ANO1: variants seen among roughly 807,000 people sequenced by gnomAD.
The protein encoded by ANO1 is anoctamin-1.
ANO1 carries 59 observed loss-of-function variants against 124.0 expected under a neutral mutation model. The ratio of observed to expected loss-of-function variants is 0.48; its 90% confidence interval spans 0.39 to 0.59. ANO1 has a LOEUF of 0.59. Among genes scored for constraint, ANO1 ranks in the 20% least tolerant of loss-of-function variants. ANO1 has a pLI of 0.00. For synonymous variants in ANO1, 529 were observed against 532.0 expected, an observed-to-expected ratio of 0.99 and a Z score of 0.08; for missense variants, 1,059 against 1,328.0, an observed-to-expected ratio of 0.80 and a Z score of 3.15.
At chr11:70,152,509 T>G in intron 13 of ANO1, 48 bp downstream of exon 13, 1 of 1,594,758 alleles carries the variant, frequency 6.3e-7, no homozygotes, top group Admixed American at 1.7e-5. Context: ...CCTATCTCCC[T>G]GGGAGAGGGA....
intron 1 of ANO1, among the ~76,000 whole-genome samples, chr11:70,050,989 T>A (rs1555006220): frequency 2.6e-5 from 4 of 152,356 alleles, no homozygotes; most frequent in Non-Finnish European, 2.9e-5. Context: ...GAAACTACCA[T>A]TGCCATATGC....
intron 1 of ANO1, among the ~76,000 whole-genome samples, chr11:70,034,162 TAA>T (rs1857055122): frequency 6.6e-6 from 1 of 151,992 alleles, no homozygotes; most frequent in Non-Finnish European, 1.5e-5. Flanking sequence ...CCATAAAGCC[TAA>T]AAATCTTACC....
intron 16 of ANO1, among the ~76,000 whole-genome samples, chr11:70,157,949 C>G (rs1460784363): frequency 7.7e-6 from 1 of 129,996 alleles, no homozygotes; most frequent in East Asian, 2.2e-4. Flanking sequence ...CACTGCACTC[C>G]AGTATGGGTG....
chr11:70,000,648 AC>A (rs1856365863), intron 1 of ANO1, among the ~76,000 whole-genome samples: 1 of 151,176 alleles, frequency 6.6e-6, no homozygotes, highest in South Asian at 2.1e-4. Flanking sequence ...CAGCAAAGCC[AC>A]CCCTGAGCAG....
At chr11:70,148,302 C>T (rs1176679165) in intron 11 of ANO1, among the ~76,000 whole-genome samples, 2 of 149,894 alleles carry the variant, frequency 1.3e-5, no homozygotes, top group African/African-American at 2.5e-5. Context: ...ATGGGAATAG[C>T]GCCTACCTCC....
intron 8 of ANO1, among the ~76,000 whole-genome samples, chr11:70,118,464 G>A (rs1046635495): frequency 6.6e-6 from 1 of 152,180 alleles, no homozygotes; most frequent in Non-Finnish European, 1.5e-5. Flanking sequence ...GCCCATGGGG[G>A]TAGTCAAGGA....
At chr11:70,138,664 AG>A (rs1211496009) in intron 11 of ANO1, among the ~76,000 whole-genome samples, 1 of 152,216 alleles carries the variant, frequency 6.6e-6, no homozygotes, top group African/African-American at 2.4e-5. Context: ...TGAACAAACT[AG>A]GGCAACCTTC....
intron 1 of ANO1, among the ~76,000 whole-genome samples, chr11:70,070,712 T>C (rs1444644747): frequency 6.6e-6 from 1 of 152,064 alleles, no homozygotes; most frequent in African/African-American, 2.4e-5. Flanking sequence ...AGTGGGTAAG[T>C]AAGTGGGGAA....
intron 11 of ANO1, among the ~76,000 whole-genome samples, chr11:70,146,693 A>G (rs2135600274): frequency 6.6e-6 from 1 of 152,312 alleles, no homozygotes; most frequent in South Asian, 2.1e-4. Context: ...CAAAACCCCA[A>G]AAGTAGGAAA....
chr11:70,186,356 A>AAGGG (rs2049123208), intron 25 of ANO1, among the ~76,000 whole-genome samples: 1 of 63,664 alleles, frequency 1.6e-5, no homozygotes, highest in African/African-American at 4.8e-5. Flanking sequence ...GGGAGGGAGG[A>AAGGG]AGGAAGGAAG....
intron 19 of ANO1, among the ~76,000 whole-genome samples, chr11:70,163,799 G>A (rs2048147743): frequency 6.6e-6 from 1 of 152,090 alleles, no homozygotes; most frequent in South Asian, 2.1e-4. Flanking sequence ...TTAGCCGGGT[G>A]TGGTGGTGCA....
At chr11:70,093,682 C>T (rs1357475057) in intron 2 of ANO1, among the ~76,000 whole-genome samples, 1 of 152,236 alleles carries the variant, frequency 6.6e-6, no homozygotes, top group African/African-American at 2.4e-5. Context: ...CCCACTGGCT[C>T]GCCGCTGGTT....
At chr11:70,059,443 T>A (rs1857520975) in intron 1 of ANO1, among the ~76,000 whole-genome samples, 1 of 151,056 alleles carries the variant, frequency 6.6e-6, no homozygotes, top group Non-Finnish European at 1.5e-5. Flanking sequence ...AGGGAAGGGA[T>A]GACTGCAGTA....
At chr11:70,056,522 T>C (rs982327630) in intron 1 of ANO1, 18 of 152,074 alleles carry the variant, frequency 1.2e-4, no homozygotes, top group Non-Finnish European at 1.8e-4. Context: ...CTTTTCAACA[T>C]TGTGCTAGAT....
intron 1 of ANO1, among the ~76,000 whole-genome samples, chr11:69,997,722 C>T (rs1289811424): frequency 3.3e-5 from 5 of 152,134 alleles, no homozygotes; most frequent in African/African-American, 7.2e-5. Context: ...TTCCCCTTAG[C>T]GATAGTGATA....
rs76048674 is a variant in ANO1, at chr11:70,161,808, G to A, written c.1892+75G>A. On this transcript the variant is annotated intron_variant, in intron 18 of 25. Transcript: ENST00000355303. ...AGAGGGCTCTCCCTCCCCACAGGTT[G>A]GGGGCACCTGGAGCCCAGGGCAGGG... 6,770 of 1,446,142 alleles carry A rather than the reference G, an allele frequency of 4.7e-3. 247 individuals carry two copies. In the African/African-American group the frequency reaches 0.078, roughly 17 times the overall value. 89.6% of individuals were successfully genotyped at this position (1,446,142 alleles called of 1,614,324 possible).
At chr11:69,982,939 G>A (rs1554996403), upstream of ANO1, among the ~76,000 whole-genome samples, 1 of 152,200 alleles carries the variant, frequency 6.6e-6, no homozygotes, top group Non-Finnish European at 1.5e-5. Context: ...GAGTGACAGT[G>A]GGGGCAGGGT....
upstream of ANO1, among the ~76,000 whole-genome samples, chr11:70,075,737 G>C (rs1434896613): frequency 6.6e-6 from 1 of 152,204 alleles, no homozygotes. Flanking sequence ...AGTTTATGGA[G>C]AGCCCCCACG....
intron 1 of ANO1, among the ~76,000 whole-genome samples, chr11:70,068,457 A>G (rs892553269): frequency 4.6e-5 from 7 of 152,168 alleles, no homozygotes; most frequent in African/African-American, 1.7e-4. Context: ...ACAAAAAACA[A>G]AGGTCCCTGC....
Sources: allele counts gnomAD v4.1 joint callset (sites outside exome capture counted in the v4.1 genomes callset), GRCh38; gene constraint gnomAD v4.1.1; transcripts MANE v1.5; gene names NCBI Gene and HGNC (gene_info 2026-07-23, HGNC 2026-07-21).